The following SLC23A3 variants were observed in gnomAD, a reference collection of about 807,000 sequenced individuals.
The protein encoded by SLC23A3 is E2-binding protein 3.
Under a neutral mutation model 64.7 loss-of-function variants are expected in SLC23A3, and 41 were observed. The observed-to-expected ratio is 0.63, with a 90% CI of 0.49 to 0.82. The LOEUF is 0.82. SLC23A3 is among the 40% of genes least tolerant of loss of function. The pLI, the probability that SLC23A3 is intolerant of heterozygous loss-of-function variation, is 0.00. For missense variants in SLC23A3, 647 were observed against 733.4 expected, an observed-to-expected ratio of 0.88 and a Z score of 1.36; for synonymous variants, 281 against 306.8, an observed-to-expected ratio of 0.92 and a Z score of 0.88.
Position 219,161,839 on chromosome 2 carries a change from G to T in SLC23A3, c.*70C>A. On this transcript the variant is annotated 3_prime_UTR_variant, in exon 12 of 12. Transcript: ENST00000409878. ...TATCCTCTGCCTACAAGAAAGAACAGTTTGGGAGCTGACTCTCCAGCAGAT... is the reference window on the plus strand; with the variant it reads ...TATCCTCTGCCTACAAGAAAGAACATTTTGGGAGCTGACTCTCCAGCAGAT... The T allele has an allele frequency of 2.0e-6, 3 of 1,475,914 alleles. No individual in the cohort carries two copies. The East Asian group carries it at 6.9e-5, about 34-fold the overall frequency. 91.4% of individuals were successfully genotyped at this position (1,475,914 alleles called of 1,614,324 possible). A position where few individuals can be genotyped will look rare whatever the true frequency, so the allele number is the denominator to read the frequency against.
rs1254391160 is a variant in SLC23A3, at chr2:219,168,243, A to G, written c.750T>C (p.Ala250=). Residue 250 remains alanine (A), a synonymous_variant, in exon 6 of 12, where the codon GCT becomes GCC. Transcript: ENST00000409878. The stretch of plus-strand genomic sequence containing the variant: ...GAGGAGTGTGAGTTGATGACGTTGA[A>G]GCTCGCCTCCAGGGGCACACATGAA... The part of the protein sequence containing the change: ...CQFHVCPWRR[A]STSSTHTPLP... The G allele has an allele frequency of 6.2e-7, 1 of 1,613,906 alleles. No homozygotes were observed. Among genetic ancestry groups the G allele is most frequent in the African/African-American group, 1.3e-5 (1 of 74,896 alleles).
At chr2:219,167,719 G>A (rs1950017717) in intron 7 of SLC23A3, among the ~76,000 whole-genome samples, 1 of 151,814 alleles carries the variant, frequency 6.6e-6, no homozygotes, top group East Asian at 1.9e-4. Context: ...CACCCTGTAT[G>A]ACAGAGTGAG....
chr2:219,165,926 G>C (rs893231644), intron 7 of SLC23A3, among the ~76,000 whole-genome samples: 1 of 152,154 alleles, frequency 6.6e-6, no homozygotes, highest in South Asian at 2.1e-4. Context: ...CTGAGGTCAG[G>C]AGTTTGTGAC....
In SLC23A3 at chr2:219,169,248, C is replaced by A. The variant is rs957206202; in HGVS notation, c.418+61G>T. 6.2e-7 allele frequency: 1 copy of A among 1,613,488 alleles called. No individual in the cohort carries two copies. Among genetic ancestry groups the A allele is most frequent in the East Asian group, 2.2e-5 (1 of 44,880 alleles). Reference sequence around the variant, plus strand: ...AATCTCAATTCTGCACCCACCTACACCTGCATGCTCAGATGAGAACCCAGC... The same window carrying A: ...AATCTCAATTCTGCACCCACCTACAACTGCATGCTCAGATGAGAACCCAGC... On this transcript the variant is annotated intron_variant, in intron 3 of 11. Transcript: ENST00000409878. This position sits in a 1 kb window ranked among gnomAD's most constrained non-coding sequence, Gnocchi z 4.5.
At chr2:219,165,491 T>C in intron 7 of SLC23A3, 69 bp from the exon 8 acceptor site, 1 of 1,496,054 alleles carries the variant, frequency 6.7e-7, no homozygotes, top group East Asian at 2.5e-5. Context: ...TCCAACAGCC[T>C]GTGCCACAAG....
intron 9 of SLC23A3, 111 bp from the exon 10 acceptor site, chr2:219,163,666 G>A: frequency 9.0e-7 from 1 of 1,109,372 alleles, no homozygotes; most frequent in African/African-American, 1.6e-5. Context: ...AAACCCAAGA[G>A]AATGATTTTT....
chr2:219,168,077 C>T lies in SLC23A3; in HGVS notation c.799-33G>A, dbSNP rs1166062324. 2.6e-6 allele frequency: 4 copies of T among 1,566,926 alleles called. No individual in the cohort carries two copies. In the South Asian group the frequency reaches 3.5e-5, roughly 14 times the overall value. Reference sequence around the variant, plus strand: ...GCGAGACTGAGAAAAGAACTCCTCCCCCAGAACCTTCTGAGCCAGCCTTGC... The same window carrying T: ...GCGAGACTGAGAAAAGAACTCCTCCTCCAGAACCTTCTGAGCCAGCCTTGC... On this transcript the variant is annotated intron_variant, in intron 6 of 11. Transcript: ENST00000409878.
intron 10 of SLC23A3, among the ~76,000 whole-genome samples, chr2:219,162,943 G>A (rs1462439814): frequency 6.6e-6 from 1 of 152,146 alleles, no homozygotes; most frequent in Non-Finnish European, 1.5e-5. Context: ...TTGAGAACTG[G>A]GTGAGACAAA....
intron 7 of SLC23A3, 131 bp from the exon 8 acceptor site, chr2:219,165,553 T>C (rs1305507858): frequency 1.3e-5 from 15 of 1,138,438 alleles, no homozygotes; most frequent in Middle Eastern, 2.8e-4. Context: ...ACAAAACTAC[T>C]GAACTCTAAG....
rs1307972908 is a variant in SLC23A3 at position 219,168,540 on chromosome 2, T to C, written c.674+112A>G. The C allele has an allele frequency of 1.3e-5, 15 of 1,172,726 alleles. No homozygotes were observed. In the Admixed American group the frequency reaches 4.3e-4, roughly 33 times the overall value. The allele number at this position is 1,172,726 out of a possible 1,614,324, so 72.6% of individuals were successfully genotyped here. A position where few individuals can be genotyped will look rare whatever the true frequency, so the allele number is the denominator to read the frequency against. On this transcript the variant is annotated intron_variant, in intron 5 of 11. Transcript: ENST00000409878. ...AGTCTTGGATTCCAAATATAAAATA[T>C]GTCCCTATTCCAGTCGCTGCTGAAT...
At chr2:219,164,158 G>T in intron 9 of SLC23A3, 75 bp downstream of exon 9, 1 of 946,182 alleles carries the variant, frequency 1.1e-6, no homozygotes, top group Non-Finnish European at 1.7e-6. Flanking sequence ...AGGAAAGGGT[G>T]CCATCCTAAA....
At chr2:219,164,524 C>CT in intron 8 of SLC23A3, 186 bp from the exon 9 acceptor site, 2 of 513,422 alleles carry the variant, frequency 3.9e-6, no homozygotes, top group Non-Finnish European at 3.5e-6. Context: ...TTATATAGCA[C>CT]TTATTGCCTT....
In SLC23A3 at chr2:219,169,401, G is replaced by T; in HGVS notation, c.326C>A (p.Pro109His). 6.2e-7 allele frequency: 1 copy of T among 1,614,178 alleles called. No individual in the cohort carries two copies. The highest frequency in any genetic ancestry group is 1.7e-5 in the Admixed American group (1 of 60,030). ...CTCTAAGGATGGAGCCTGGACAAGA[G>T]GCAGCCTGTAGGAACAGCAGCCCCA... ...ILQTWMGSRL[P>H]LVQAPSLEFL... Residue 109 changes from proline to histidine, a missense_variant, in exon 3 of 12, where the codon CCT becomes CAT. Transcript: ENST00000409878. The surrounding 1 kb of genome is among the most constrained non-coding windows in gnomAD (Gnocchi z 4.5).
intron 11 of SLC23A3, 34 bp from the exon 12 acceptor site, chr2:219,162,238 T>A (rs1430761988): frequency 6.2e-7 from 1 of 1,613,318 alleles, no homozygotes; most frequent in African/African-American, 1.3e-5. Context: ...CTATTGCCCA[T>A]CCCAGGGAGG....
rs1434572519 is a variant in SLC23A3 at position 219,164,271 on chromosome 2, A to G, written c.1235T>C (p.Leu412Ser). 6.2e-7 allele frequency: 1 copy of G among 1,610,398 alleles called. No homozygotes were observed. Among genetic ancestry groups the G allele is most frequent in the South Asian group, 1.1e-5 (1 of 89,982 alleles). Reference sequence around the variant, plus strand: ...TGGGATGGTGGTGAGGAGCTGAGCCAACCTGGGGGAGAGTCCAAGCCCCAC... The same window carrying G: ...TGGGATGGTGGTGAGGAGCTGAGCCGACCTGGGGGAGAGTCCAAGCCCCAC... ...LCVGLGLSPR[L>S]AQLLTTIPLP... The change falls in exon 9 of 12, where the codon TTG (leucine) becomes TCG (serine). Residue 412 changes from leucine (L) to serine (S), a missense_variant. Leu to Ser is a moderately radical substitution (Grantham distance 145). Coordinates refer to ENST00000409878, the MANE Select transcript of SLC23A3 (RefSeq NM_001144889.2).
rs566732823 is a variant in SLC23A3, at chr2:219,166,579, G to A, written c.914-1157C>T. Among the ~76,000 whole-genome samples the A allele has an allele frequency of 3.3e-5, 5 of 150,188 alleles. No homozygotes were observed. In the South Asian group the frequency reaches 1.1e-3, roughly 32 times the overall value. On this transcript the variant is annotated intron_variant, in intron 7 of 11. Transcript: ENST00000409878. ...AAACAAGGTCTCACTCTGTCGCCTG[G>A]GCTAGAATGCAGTGGTGCAATCATA...
Position 219,168,786 on chromosome 2 carries a change from C to T in SLC23A3, c.540G>A (p.Gly180=), listed in dbSNP as rs1382145825. The T allele has an allele frequency of 1.9e-6, 3 of 1,605,374 alleles. No homozygotes were observed. The highest frequency in any genetic ancestry group is 1.1e-5 in the South Asian group (1 of 89,728). Residue 180 remains glycine (G), a synonymous_variant, in exon 5 of 12, where the codon GGG becomes GGA. Coordinates refer to ENST00000409878, the MANE Select transcript of SLC23A3 (RefSeq NM_001144889.2). ...ACACGTGGCCGGGACTCCCCAGCAG[C>T]CCCATCATGCCCTGCAGCAGCCCAG... ...VVSGLLQGMM[G]LLGSPGHVFP...
Position 219,169,656 on chromosome 2 carries a change from A to G in SLC23A3, c.185T>C (p.Leu62Pro). 1 of 1,614,126 alleles carries G rather than the reference A, an allele frequency of 6.2e-7. No homozygotes were observed. The highest frequency in any genetic ancestry group is 1.1e-5 in the South Asian group (1 of 91,086). ...CAGGAGCAGGTGGGAGACACAGAGC[A>G]GAGAAGCCATGACCAAGACATGCTG... Reference protein sequence around the residue: ...ALQHVLVMASLLCVSHLLLLC... With the variant: ...ALQHVLVMASPLCVSHLLLLC... The change falls in exon 2 of 12, where the codon CTG becomes CCG. Residue 62 changes from leucine to proline, a missense_variant. Physicochemically the swap from Leu to Pro is moderately conservative, Grantham distance 98. Coordinates refer to ENST00000409878, the MANE Select transcript of SLC23A3 (RefSeq NM_001144889.2). This position sits in a 1 kb window ranked among gnomAD's most constrained non-coding sequence, Gnocchi z 4.5.
Position 219,161,719 on chromosome 2 carries a change from C to G in SLC23A3, c.*190G>C. On this transcript the variant is annotated 3_prime_UTR_variant, in exon 12 of 12. Coordinates refer to ENST00000409878, the MANE Select transcript of SLC23A3 (RefSeq NM_001144889.2). ...ATGGTCCACTAAATCATGGCCTCTGCTCTGGAACAGTTAGGCCTAATTAAG... is the reference window on the plus strand; with the variant it reads ...ATGGTCCACTAAATCATGGCCTCTGGTCTGGAACAGTTAGGCCTAATTAAG... The G allele has an allele frequency of 5.8e-6, 3 of 515,980 alleles. No individual in the cohort carries two copies. The highest frequency in any genetic ancestry group is 1.0e-5 in the Non-Finnish European group (3 of 300,022). The allele number at this position is 515,980 out of a possible 1,614,324, so 32.0% of individuals were successfully genotyped here. A position where few individuals can be genotyped will look rare whatever the true frequency, so the allele number is the denominator to read the frequency against.
Sources: allele counts gnomAD v4.1 joint callset (sites outside exome capture counted in the v4.1 genomes callset), GRCh38; gene constraint gnomAD v4.1.1; non-coding constraint Gnocchi (gnomAD v3.1); transcripts MANE v1.5; gene names NCBI Gene and HGNC (gene_info 2026-07-23, HGNC 2026-07-21).